Variants in NEDD4 observed in about 807,000 individuals in gnomAD.
The protein encoded by NEDD4 is NEDD4 E3 ubiquitin protein ligase.
A neutral mutation model predicts 144.9 loss-of-function variants in NEDD4; 99 were observed. The ratio of observed to expected loss-of-function variants is 0.68; its 90% CI spans 0.58 to 0.81. NEDD4 has a LOEUF of 0.81. Ranked by LOEUF, NEDD4 falls within the 30% of genes least tolerant of loss-of-function variation. NEDD4 has a pLI of 0.00. For synonymous variants in NEDD4, 318 were observed against 350.6 expected (o/e 0.91, Z 1.04); for missense variants, 985 against 1,065.9 (o/e 0.92, Z 1.06).
intron 5 of NEDD4, among the ~76,000 whole-genome samples, chr15:55,917,672 A>G (rs2036488415): frequency 6.6e-6 from 1 of 152,160 alleles, no homozygotes; most frequent in South Asian, 2.1e-4. Flanking sequence ...GGTTCAAGAA[A>G]AAAAGTTTAA....
intron 5 of NEDD4, chr15:55,915,394 C>T (rs146902633): frequency 1.2e-6 from 2 of 1,613,748 alleles, no homozygotes; most frequent in Non-Finnish European, 1.7e-6. Flanking sequence ...TGAGATGGTC[C>T]CCCTTTAGAA....
chr15:55,911,857 T>C (rs901002495), intron 5 of NEDD4, among the ~76,000 whole-genome samples: 1 of 152,202 alleles, frequency 6.6e-6, no homozygotes, highest in Non-Finnish European at 1.5e-5. Flanking sequence ...TTTACAAGCA[T>C]GTCCCTATTA....
At chr15:55,901,146 T>A (rs1376960436) in intron 5 of NEDD4, among the ~76,000 whole-genome samples, 2 of 152,176 alleles carry the variant, frequency 1.3e-5, no homozygotes, top group Non-Finnish European at 2.9e-5. Context: ...TGCATAATAA[T>A]CACATCATGG....
chr15:55,956,121 CTTTT>C (rs1179397504), intron 2 of NEDD4, among the ~76,000 whole-genome samples: 1 of 151,758 alleles, frequency 6.6e-6, no homozygotes, highest in Non-Finnish European at 1.5e-5. Flanking sequence ...GCCCACATTT[CTTTT>C]TTTTATGTTT....
chr15:55,949,114 A>T (rs2037181184), intron 4 of NEDD4, among the ~76,000 whole-genome samples: 1 of 152,342 alleles, frequency 6.6e-6, no homozygotes, highest in South Asian at 2.1e-4. Context: ...ACAAGAAAAA[A>T]ACAACCCCAT....
intron 5 of NEDD4, among the ~76,000 whole-genome samples, chr15:55,902,599 T>C (rs761273887): frequency 2.6e-5 from 4 of 152,226 alleles, no homozygotes; most frequent in Non-Finnish European, 5.9e-5. Context: ...ACTGCAATAT[T>C]CTTTCTACTT....
chr15:55,855,864 T>C (rs1438008138), intron 12 of NEDD4, among the ~76,000 whole-genome samples: 1 of 152,144 alleles, frequency 6.6e-6, no homozygotes, highest in Non-Finnish European at 1.5e-5. Flanking sequence ...ATGCAGCGGA[T>C]CACCTCTAGC....
intron 1 of NEDD4, among the ~76,000 whole-genome samples, chr15:55,985,787 A>ACACG (rs1481843314): frequency 8.0e-5 from 12 of 150,760 alleles, no homozygotes; most frequent in Non-Finnish European, 1.5e-5. Flanking sequence ...ACACACACAC[A>ACACG]CGCTTAACTG....
chr15:55,883,929 G>C (rs559542752), intron 5 of NEDD4, among the ~76,000 whole-genome samples: 2 of 151,232 alleles, frequency 1.3e-5, no homozygotes, highest in African/African-American at 4.9e-5. Flanking sequence ...GCCCAGGCTG[G>C]AGTACAGTGG....
Position 55,841,954 on chromosome 15 carries a change from C to G in NEDD4, c.1818G>C (p.Gly606=), listed in dbSNP as rs755858068. Reference sequence around the variant, plus strand: ...CTTACGTAGCAGAATATTCAAACAACCCATAATAAGGGTTAAACATTTCCT... The same window carrying G: ...CTTACGTAGCAGAATATTCAAACAAGCCATAATAAGGGTTAAACATTTCCT... ...ISKEMFNPYY[G]LFEYSATDNY... Residue 606 remains glycine, a synonymous_variant, in exon 19 of 29, where the codon GGG becomes GGC. Coordinates refer to ENST00000435532, the MANE Select transcript of NEDD4 (RefSeq NM_006154.4). The G allele has an allele frequency of 6.2e-6, 10 of 1,613,396 alleles. No homozygotes were observed. In the Admixed American group the frequency reaches 1.5e-4, roughly 24 times the overall value.
At chr15:55,923,582 G>C (rs1030667685) in intron 5 of NEDD4, among the ~76,000 whole-genome samples, 3 of 151,130 alleles carry the variant, frequency 2.0e-5, no homozygotes, top group African/African-American at 7.3e-5. Context: ...TGGAGGCGGA[G>C]GTTGCAGTGA....
rs532848613 is a variant in NEDD4, at chr15:55,859,273, T to C, written c.960+1134A>G. Reference sequence around the variant, plus strand: ...TGGAAGCATATGCTGGGATACTTTATTCTGAACCCTATGGACAACAGTTTT... The same window carrying C: ...TGGAAGCATATGCTGGGATACTTTACTCTGAACCCTATGGACAACAGTTTT... On this transcript the variant is annotated intron_variant, in intron 11 of 28. Coordinates refer to ENST00000435532, the MANE Select transcript of NEDD4 (RefSeq NM_006154.4). Among the ~76,000 whole-genome samples, 9 of 152,350 alleles carry C rather than the reference T, an allele frequency of 5.9e-5. No homozygotes were observed. The East Asian group carries it at 1.5e-3, about 26-fold the overall frequency.
intron 12 of NEDD4, among the ~76,000 whole-genome samples, chr15:55,855,739 C>T (rs2034167666): frequency 1.3e-5 from 2 of 152,242 alleles, no homozygotes; most frequent in African/African-American, 2.4e-5. Context: ...CAGTGCACGC[C>T]TGAGTGATGA....
At chr15:55,839,765 C>G (rs1338326607) in intron 21 of NEDD4, among the ~76,000 whole-genome samples, 2 of 151,384 alleles carry the variant, frequency 1.3e-5, no homozygotes, top group African/African-American at 2.4e-5. Context: ...ATAACGAGGT[C>G]AAAAGACTGA....
At chr15:55,917,150 C>T in intron 5 of NEDD4, 1 of 1,089,292 alleles carries the variant, frequency 9.2e-7, no homozygotes, top group Non-Finnish European at 1.1e-6. Context: ...TCAAACACAG[C>T]CAACCTTGTT....
At chr15:55,974,667 T>C (rs1411087626) in intron 1 of NEDD4, among the ~76,000 whole-genome samples, 1 of 151,560 alleles carries the variant, frequency 6.6e-6, no homozygotes, top group African/African-American at 2.4e-5. Flanking sequence ...ACAAAACCCA[T>C]ATGATCATTT....
chr15:55,873,893 T>C, intron 6 of NEDD4, 65 bp downstream of exon 6: 1 of 706,292 alleles, frequency 1.4e-6, no homozygotes, highest in Non-Finnish European at 2.3e-6. Context: ...CTATATTATA[T>C]ATGTAAGTAT....
At chr15:55,851,984 G>A (rs2034000639) in intron 13 of NEDD4, among the ~76,000 whole-genome samples, 1 of 152,026 alleles carries the variant, frequency 6.6e-6, no homozygotes, top group Admixed American at 6.6e-5. Context: ...TAACATCAGT[G>A]TCAGAATATA....
At chr15:55,930,130 A>T (rs1260545815) in intron 4 of NEDD4, among the ~76,000 whole-genome samples, 1 of 152,220 alleles carries the variant, frequency 6.6e-6, no homozygotes. Flanking sequence ...TGCTAAATCC[A>T]GCTAGCCATC....
Sources: gnomAD v4.1 joint callset for allele counts (sites outside exome capture counted in the v4.1 genomes callset) on GRCh38, gnomAD v4.1.1 for gene constraint, MANE v1.5 for transcripts, NCBI Gene and HGNC (gene_info 2026-07-23, HGNC 2026-07-21) for gene names.